The following EFCAB6 variants were observed in gnomAD, a reference collection of about 807,000 sequenced individuals.
EFCAB6 encodes the protein EF-hand calcium-binding domain-containing protein 6.
EFCAB6 carries 156 observed loss-of-function variants against 169.8 expected under a neutral mutation model. The ratio of observed to expected loss-of-function variants is 0.92; its 90% CI spans 0.81 to 1.05. The LOEUF is 1.05. Among genes scored for constraint, EFCAB6 ranks in the 50% least tolerant of loss-of-function variants. EFCAB6 has a pLI of 0.00. For missense variants in EFCAB6, 1,800 were observed against 1,829.1 expected, an observed-to-expected ratio of 0.98 and a Z score of 0.29; for synonymous variants, 698 against 676.4, an observed-to-expected ratio of 1.03 and a Z score of -0.50.
At chr22:43,774,625 G>A (rs1319757052) in intron 3 of EFCAB6, among the ~76,000 whole-genome samples, 1 of 151,680 alleles carries the variant, frequency 6.6e-6, no homozygotes, top group Non-Finnish European at 1.5e-5. Flanking sequence ...ACAGGCATTA[G>A]GTGTCTGCAG....
Position 43,572,291 on chromosome 22 carries a change from G to A in EFCAB6, c.3420+4006C>T, listed in dbSNP as rs956574475. ...AAGCTGACAGCACATAAAGCTTTAG[G>A]AATGTTCTCTCCTTGGTCCAGCAAT... On this transcript the variant is annotated intron_variant, in intron 26 of 31. Coordinates refer to ENST00000262726, the MANE Select transcript of EFCAB6 (RefSeq NM_022785.4). This position sits in a 1 kb window ranked among gnomAD's most constrained non-coding sequence, Gnocchi z 4.0. Among the ~76,000 whole-genome samples the A allele has an allele frequency of 6.6e-6, 1 of 152,160 alleles. No homozygotes were observed. Among genetic ancestry groups the A allele is most frequent in the African/African-American group, 2.4e-5 (1 of 41,444 alleles).
At chr22:43,647,088 T>C (rs1380893822) in intron 17 of EFCAB6, among the ~76,000 whole-genome samples, 1 of 151,584 alleles carries the variant, frequency 6.6e-6, no homozygotes, top group Non-Finnish European at 1.5e-5. Context: ...ACGGGAACTT[T>C]GTAGTTTCCA....
intron 2 of EFCAB6, among the ~76,000 whole-genome samples, chr22:43,782,770 G>C (rs2061872103): frequency 6.6e-6 from 1 of 152,138 alleles, no homozygotes; most frequent in Non-Finnish European, 1.5e-5. Context: ...AAATCAATGA[G>C]GACACTGGGA....
chr22:43,715,336 A>G (rs2059295764), intron 9 of EFCAB6, among the ~76,000 whole-genome samples: 1 of 152,176 alleles, frequency 6.6e-6, no homozygotes, highest in African/African-American at 2.4e-5. Context: ...GACTCATTTA[A>G]CCTATTCATG....
intron 23 of EFCAB6, among the ~76,000 whole-genome samples, chr22:43,591,300 C>A (rs1304652112): frequency 6.6e-6 from 1 of 150,928 alleles, no homozygotes; most frequent in Non-Finnish European, 1.5e-5. Flanking sequence ...TCCTAAAAAA[C>A]ACAAAAATTA....
chr22:43,573,769 C>T (rs1174854487), intron 26 of EFCAB6, among the ~76,000 whole-genome samples: 1 of 143,376 alleles, frequency 7.0e-6, no homozygotes, highest in Non-Finnish European at 1.5e-5. Flanking sequence ...TGGGCACAAA[C>T]ATGCCAAAGT....
chr22:43,726,702 C>G (rs535346713), intron 8 of EFCAB6, among the ~76,000 whole-genome samples: 1 of 152,208 alleles, frequency 6.6e-6, no homozygotes, highest in African/African-American at 2.4e-5. Flanking sequence ...AAAGGGGGAT[C>G]TCCAACATCT....
intron 2 of EFCAB6, among the ~76,000 whole-genome samples, chr22:43,807,629 C>A (rs893979696): frequency 1.3e-5 from 2 of 152,078 alleles, no homozygotes; most frequent in Admixed American, 1.3e-4. Context: ...GTGTGCACAG[C>A]CAAATAGAAA....
chr22:43,541,650 G>A (rs1470749535), intron 27 of EFCAB6, among the ~76,000 whole-genome samples: 2 of 152,192 alleles, frequency 1.3e-5, no homozygotes, highest in African/African-American at 4.8e-5. Flanking sequence ...CGGTGTCTCA[G>A]ACCTCACCGG....
chr22:43,791,237 G>T (rs1390699344), intron 2 of EFCAB6, among the ~76,000 whole-genome samples: 1 of 152,104 alleles, frequency 6.6e-6, no homozygotes. Flanking sequence ...GCCAGGTGTG[G>T]TGGTGCACAC....
In EFCAB6 at chr22:43,770,868, A is replaced by ATATGG. The variant is rs2061446612; in HGVS notation, c.351+2019_351+2023dup. ...AAGGAAGAGAAAACTTTGAAACAGA[A>ATATGG]TATGGTATGCATAAGAAGAAACAAC... is the stretch of plus-strand genomic sequence containing the variant. On this transcript the variant is annotated intron_variant, in intron 4 of 31. Coordinates refer to ENST00000262726, the MANE Select transcript of EFCAB6 (RefSeq NM_022785.4). Among the ~76,000 whole-genome samples the ATATGG allele has an allele frequency of 1.3e-5, 2 of 152,174 alleles. 1 individual carries two copies. Among genetic ancestry groups the ATATGG allele is most frequent in the South Asian group, 4.2e-4 (2 of 4,814 alleles).
rs115032140 is a variant in EFCAB6, at chr22:43,657,724, T to C, written c.1983+9380A>G. On this transcript the variant is annotated intron_variant, in intron 17 of 31. Coordinates refer to ENST00000262726, the MANE Select transcript of EFCAB6 (RefSeq NM_022785.4). ...AACAGCAAACTAAATTCAAATTAAG[T>C]AGAAGGAAGAAAATAATCAATATAA... Among the ~76,000 whole-genome samples the C allele has an allele frequency of 4.2e-3, 635 of 152,102 alleles. 2 individuals carry two copies. The highest frequency in any genetic ancestry group is 0.014 in the African/African-American group (601 of 41,502).
intron 20 of EFCAB6, among the ~76,000 whole-genome samples, chr22:43,623,670 C>T (rs568245348): frequency 2.0e-5 from 3 of 147,332 alleles, no homozygotes; most frequent in East Asian, 2.0e-4. Flanking sequence ...CCAAGGTGGG[C>T]GTATCACGAG....
chr22:43,655,893 CAA>C (rs924990972), intron 17 of EFCAB6, among the ~76,000 whole-genome samples: 1 of 152,106 alleles, frequency 6.6e-6, no homozygotes, highest in Non-Finnish European at 1.5e-5. Context: ...TCCTCTTTGT[CAA>C]AAGAGTTATG....
chr22:43,725,368 C>T (rs920850173), intron 8 of EFCAB6, among the ~76,000 whole-genome samples: 4 of 151,978 alleles, frequency 2.6e-5, no homozygotes, highest in East Asian at 1.9e-4. Flanking sequence ...CTTGAACTCC[C>T]GACTTCAGGT....
rs554230835 is a variant in EFCAB6 at position 43,799,163 on chromosome 22, CA to C, written c.-8+9831del. 3.5e-3 allele frequency among the ~76,000 whole-genome samples: 499 copies of C among 142,470 alleles called. 2 individuals are homozygous for C. The highest frequency in any genetic ancestry group is 0.011 in the African/African-American group (439 of 38,758). 93.5% of individuals were successfully genotyped at this position (142,470 alleles called of 152,430 possible). A position where few individuals can be genotyped will look rare whatever the true frequency, so the allele number is the denominator to read the frequency against. On this transcript the variant is annotated intron_variant, in intron 2 of 31. Transcript: ENST00000262726. ...GCAACATAGTGAGACCTCGTCTTTA[CA>C]AAAAAAAAAAAATTTTAATCAGCCA...
intron 19 of EFCAB6, among the ~76,000 whole-genome samples, chr22:43,631,629 T>C (rs2054950465): frequency 6.6e-6 from 1 of 152,024 alleles, no homozygotes; most frequent in African/African-American, 2.4e-5. Context: ...AGCCAATTAC[T>C]ATGAATATGA....
chr22:43,581,572 AT>A (rs2050730097), intron 24 of EFCAB6, among the ~76,000 whole-genome samples: 1 of 152,264 alleles, frequency 6.6e-6, no homozygotes. Flanking sequence ...GTTTAATTGC[AT>A]TCAAAGTTCA....
At chr22:43,618,758 C>T (rs1220173368) in intron 20 of EFCAB6, among the ~76,000 whole-genome samples, 1 of 152,168 alleles carries the variant, frequency 6.6e-6, no homozygotes, top group African/African-American at 2.4e-5. Context: ...TCTCTGTTTA[C>T]TCTCCCAGCC....
Sources: gnomAD v4.1 joint callset for allele counts (sites outside exome capture counted in the v4.1 genomes callset) on GRCh38, gnomAD v4.1.1 for gene constraint, Gnocchi (gnomAD v3.1) non-coding constraint, MANE v1.5 for transcripts, NCBI Gene and HGNC (gene_info 2026-07-23, HGNC 2026-07-21) for gene names.